GRIA1: variants seen among roughly 807,000 people sequenced by gnomAD.
GRIA1 encodes the protein glutamate receptor 1.
Under a neutral mutation model 99.2 loss-of-function variants are expected in GRIA1, and 31 were observed. That is an observed-to-expected ratio of 0.31 (90% CI 0.23 to 0.42). The LOEUF is 0.42. Among genes scored for constraint, GRIA1 ranks in the 10% least tolerant of loss-of-function variants. The pLI, the probability that GRIA1 is intolerant of heterozygous loss-of-function variation, is 1.00. For synonymous variants in GRIA1, 438 were observed against 432.4 expected (o/e 1.01, Z -0.16); for missense variants, 782 against 1,157.5 (o/e 0.68, Z 4.71).
chr5:153,674,060 C>T (rs566762858), intron 5 of GRIA1, among the ~76,000 whole-genome samples: 27 of 152,304 alleles, frequency 1.8e-4, no homozygotes, highest in East Asian at 5.8e-4. Flanking sequence ...GGATGGTAGA[C>T]GAGATTATTC....
chr5:153,640,865 A>G (rs1313843432), intron 2 of GRIA1, among the ~76,000 whole-genome samples: 1 of 152,212 alleles, frequency 6.6e-6, no homozygotes, highest in East Asian at 1.9e-4. Context: ...TAAATGACAG[A>G]CACCCTGGAT....
intron 11 of GRIA1, among the ~76,000 whole-genome samples, chr5:153,710,892 T>A (rs1457840568): frequency 6.6e-6 from 1 of 152,136 alleles, no homozygotes; most frequent in African/African-American, 2.4e-5. Context: ...ATACAAGAAG[T>A]GGAATTAAAC....
At chr5:153,519,524 C>T (rs192617745) in intron 2 of GRIA1, among the ~76,000 whole-genome samples, 19 of 149,960 alleles carry the variant, frequency 1.3e-4, no homozygotes, top group Admixed American at 7.3e-4. Flanking sequence ...TCTCAATCCA[C>T]GGCTGAAGAA....
chr5:153,540,883 A>C (rs1317594801), intron 2 of GRIA1, among the ~76,000 whole-genome samples: 1 of 152,200 alleles, frequency 6.6e-6, no homozygotes, highest in East Asian at 1.9e-4. Context: ...AGGCAACAAA[A>C]GGCTTGAGTA....
Position 153,686,549 on chromosome 5 carries a change from A to T in GRIA1, c.1134+220A>T, listed in dbSNP as rs1050601444. ...TTCATTCATTTGCAAAATTAAGTTT[A>T]AAAAAATCTCTACATTTGTCCCAGG... On this transcript the variant is annotated intron_variant, in intron 8 of 15. Coordinates refer to ENST00000285900, the MANE Select transcript of GRIA1 (RefSeq NM_000827.4). Among the ~76,000 whole-genome samples, 11 of 152,282 alleles carry T rather than the reference A, an allele frequency of 7.2e-5. No homozygotes were observed. The East Asian group carries it at 1.7e-3, about 24-fold the overall frequency.
At chr5:153,613,799 A>G (rs1192168395) in intron 2 of GRIA1, among the ~76,000 whole-genome samples, 1 of 151,950 alleles carries the variant, frequency 6.6e-6, no homozygotes, top group Non-Finnish European at 1.5e-5. Flanking sequence ...CGTTCACTTT[A>G]GTTTCAGAAA....
rs1410047840 is a variant in GRIA1 at position 153,811,988 on chromosome 5, AAC to A, written c.*765_*766del. The A allele has an allele frequency of 1.3e-5, 2 of 152,204 alleles. No homozygotes were observed. Among genetic ancestry groups the A allele is most frequent in the Non-Finnish European group, 2.9e-5 (2 of 68,122 alleles). 9.4% of individuals were successfully genotyped at this position (152,204 alleles called of 1,614,324 possible). On this transcript the variant is annotated 3_prime_UTR_variant, in exon 16 of 16. Transcript: ENST00000285900. ...TCCTGAAGTTACTGCTGCTCAGAAA[AAC>A]AGTTCCTTTAATGTGGAAGAGCCAT...
chr5:153,644,512 C>T (rs1414735801), intron 2 of GRIA1, among the ~76,000 whole-genome samples: 3 of 152,170 alleles, frequency 2.0e-5, no homozygotes, highest in African/African-American at 7.2e-5. Context: ...ATTTATTAAG[C>T]ATCTACCATG....
intron 2 of GRIA1, among the ~76,000 whole-genome samples, chr5:153,514,138 C>A (rs1165456712): frequency 6.6e-6 from 1 of 152,212 alleles, no homozygotes; most frequent in African/African-American, 2.4e-5. Context: ...ATCACACTCT[C>A]AAGGGAGTAA....
intron 11 of GRIA1, among the ~76,000 whole-genome samples, chr5:153,720,168 T>C (rs956081953): frequency 2.0e-5 from 3 of 152,208 alleles, no homozygotes; most frequent in African/African-American, 7.2e-5. Flanking sequence ...GTTGAAGAAG[T>C]TCACATAGCC....
intron 11 of GRIA1, among the ~76,000 whole-genome samples, chr5:153,757,397 A>G (rs1762903746): frequency 6.6e-6 from 1 of 152,216 alleles, no homozygotes; most frequent in Non-Finnish European, 1.5e-5. Flanking sequence ...GAAATAACAG[A>G]GACCTATCCA....
intron 12 of GRIA1, among the ~76,000 whole-genome samples, chr5:153,768,014 A>T (rs1054304388): frequency 1.3e-5 from 2 of 152,172 alleles, no homozygotes; most frequent in Admixed American, 1.3e-4. Flanking sequence ...CTGCCTGTCA[A>T]CAGCCCAGTT....
chr5:153,785,049 C>T (rs184396808), intron 13 of GRIA1, among the ~76,000 whole-genome samples: 9 of 152,172 alleles, frequency 5.9e-5, no homozygotes, highest in Non-Finnish European at 1.0e-4. Flanking sequence ...GTCATCCCCT[C>T]GAAATGGTTT....
At chr5:153,580,173 C>T (rs575243941) in intron 2 of GRIA1, among the ~76,000 whole-genome samples, 1 of 152,218 alleles carries the variant, frequency 6.6e-6, no homozygotes, top group African/African-American at 2.4e-5. Context: ...AAGGTGGTCC[C>T]CTCTGAGGAC....
chr5:153,702,096 T>C (rs1251501380), intron 10 of GRIA1, among the ~76,000 whole-genome samples: 1 of 152,190 alleles, frequency 6.6e-6, no homozygotes, highest in African/African-American at 2.4e-5. Context: ...AGTCAGAACA[T>C]GCAGCTCTGG....
chr5:153,672,211 G>A (rs1163525198), intron 5 of GRIA1, among the ~76,000 whole-genome samples: 2 of 152,156 alleles, frequency 1.3e-5, no homozygotes, highest in Non-Finnish European at 2.9e-5. Context: ...GAGGATTCTG[G>A]GGCACTTATC....
At chr5:153,680,511 T>G (rs10062862) in intron 7 of GRIA1, among the ~76,000 whole-genome samples, 8,794 of 152,264 alleles carry the variant, frequency 0.058, 306 homozygotes, top group Non-Finnish European at 0.075. Flanking sequence ...AATGCATATG[T>G]GTACATACAT....
At chr5:153,642,538 G>A (rs189391401) in intron 2 of GRIA1, among the ~76,000 whole-genome samples, 8 of 151,730 alleles carry the variant, frequency 5.3e-5, no homozygotes, top group Admixed American at 2.6e-4. Context: ...ACCAGCTTGC[G>A]CAACATAATG....
chr5:153,650,934 C>T (rs981035630), intron 4 of GRIA1, among the ~76,000 whole-genome samples: 20 of 139,598 alleles, frequency 1.4e-4, no homozygotes, highest in Admixed American at 4.4e-4. Flanking sequence ...AGCTTGGTGT[C>T]GTGGCATGTA....
Sources: gnomAD v4.1 joint callset for allele counts (sites outside exome capture counted in the v4.1 genomes callset) on GRCh38, gnomAD v4.1.1 for gene constraint, MANE v1.5 for transcripts, NCBI Gene and HGNC (gene_info 2026-07-23, HGNC 2026-07-21) for gene names.